Variants in PITPNM3 observed in about 807,000 individuals in gnomAD.
The protein encoded by PITPNM3 is membrane-associated phosphatidylinositol transfer protein 3.
A neutral mutation model predicts 102.0 loss-of-function variants in PITPNM3; 26 were observed. The ratio of observed to expected loss-of-function variants is 0.25; its 90% CI spans 0.19 to 0.35. The LOEUF is 0.35. PITPNM3 is among the 10% of genes least tolerant of loss of function. The pLI is 1.00. For missense variants in PITPNM3, 1,083 were observed against 1,346.1 expected, an observed-to-expected ratio of 0.80 and a Z score of 3.06; for synonymous variants, 578 against 558.6, an observed-to-expected ratio of 1.03 and a Z score of -0.49.
rs1910626592 is a variant in PITPNM3, at chr17:6,556,523, C to T, written c.-117G>A. On this transcript the variant is annotated 5_prime_UTR_variant, in exon 1 of 20. Transcript: ENST00000262483. The surrounding 1 kb of genome is among the most constrained non-coding windows in gnomAD (Gnocchi z 5.2). Reference sequence around the variant, plus strand: ...GCGCCGCGCCCGCGCCCCCGCCCCGCTCGCCTCGGCTGCCGCCACCGCAGC... The same window carrying T: ...GCGCCGCGCCCGCGCCCCCGCCCCGTTCGCCTCGGCTGCCGCCACCGCAGC... 2 of 670,318 alleles carry T rather than the reference C, an allele frequency of 3.0e-6. No homozygotes were observed. Among genetic ancestry groups the T allele is most frequent in the Non-Finnish European group, 1.8e-6 (1 of 542,744 alleles). The allele number at this position is 670,318 out of a possible 1,614,324, so 41.5% of individuals were successfully genotyped here. A position where few individuals can be genotyped will look rare whatever the true frequency, so the allele number is the denominator to read the frequency against.
Position 6,464,739 on chromosome 17 carries a change from C to T in PITPNM3, c.1923G>A (p.Val641=), listed in dbSNP as rs1904672177. The T allele has an allele frequency of 1.2e-6, 2 of 1,614,208 alleles. No homozygotes were observed. Among genetic ancestry groups the T allele is most frequent in the South Asian group, 2.2e-5 (2 of 91,080 alleles). The change falls in exon 15 of 20, where the codon GTG becomes GTA. Residue 641 remains valine, a synonymous_variant. Transcript: ENST00000262483. The part of the protein sequence containing the change: ...NVTANHRAND[V]IAAEDGPQVL... ...CCTGGGGGCCATCTTCAGCAGCAAT[C>T]ACATCATTGGCCCGGTGATTAGCCG...
In PITPNM3 at chr17:6,464,221, G is replaced by A. The variant is rs1271718615; in HGVS notation, c.2105C>T (p.Pro702Leu). 7 of 1,614,054 alleles carry A rather than the reference G, an allele frequency of 4.3e-6. No individual in the cohort carries two copies. The highest frequency in any genetic ancestry group is 1.3e-5 in the African/African-American group (1 of 74,928). The change falls in exon 16 of 20, where the codon CCG becomes CTG. Residue 702 changes from proline (P) to leucine (L), a missense_variant. Physicochemically the swap from Pro to Leu is moderately conservative, Grantham distance 98. Transcript: ENST00000262483. ...ACCAACCCCCAGGCGCCGGGGCCGC[G>A]GCACATTGTATGTGATGCGACCACT... ...NSSGRITYNVPRPRRLGVGVY... is the reference protein window; with the variant it reads ...NSSGRITYNVLRPRRLGVGVY...
At chr17:6,471,130 CCAGG>C (rs772560365) in intron 12 of PITPNM3, 27 bp downstream of exon 12, 1 of 1,610,464 alleles carries the variant, frequency 6.2e-7, no homozygotes, top group Non-Finnish European at 8.5e-7. Context: ...TCCCCCGAAT[CCAGG>C]CAGGGCCCCA....
chr17:6,484,642 C>T (rs1260275585), intron 4 of PITPNM3, among the ~76,000 whole-genome samples: 1 of 152,196 alleles, frequency 6.6e-6, no homozygotes, highest in Non-Finnish European at 1.5e-5. Flanking sequence ...TTATGGACAG[C>T]GATTTGAGCA....
At chr17:6,471,529 C>T (rs577252214) in intron 11 of PITPNM3, among the ~76,000 whole-genome samples, 174 bp from the exon 12 acceptor site, 1 of 152,352 alleles carries the variant, frequency 6.6e-6, no homozygotes. Flanking sequence ...CCCCACCAGT[C>T]CCCTGGGCCT....
In PITPNM3 at chr17:6,471,282, G is replaced by A; in HGVS notation, c.1503C>T (p.Ala501=). ...SSRDSPPLLD[A]PASPPQASRF... is the part of the protein sequence containing the mutation. ...TCGAGGCCTGAGGGGGCGAGGCAGG[G>A]GCATCCAGAAGTGGCGGGCTGTCCC... The change falls in exon 12 of 20, where the codon GCC becomes GCT. Residue 501 remains alanine, a synonymous_variant. Transcript: ENST00000262483. 1 of 1,613,198 alleles carries A rather than the reference G, an allele frequency of 6.2e-7. No individual in the cohort carries two copies. The highest frequency in any genetic ancestry group is 8.5e-7 in the Non-Finnish European group (1 of 1,179,880).
rs531631377 is a variant in PITPNM3 at position 6,469,953 on chromosome 17, T to C, written c.1773+307A>G. ...TGCAGACGAGGACATTGAGACTCAGTGGGGAGTGGGAACTGACTACTCCAG... is the reference window on the plus strand; with the variant it reads ...TGCAGACGAGGACATTGAGACTCAGCGGGGAGTGGGAACTGACTACTCCAG... On this transcript the variant is annotated intron_variant, in intron 13 of 19. Coordinates refer to ENST00000262483, the MANE Select transcript of PITPNM3 (RefSeq NM_031220.4). The surrounding 1 kb of genome is among the most constrained non-coding windows in gnomAD (Gnocchi z 4.0). Among the ~76,000 whole-genome samples the C allele has an allele frequency of 6.6e-6, 1 of 151,814 alleles. No homozygotes were observed. Among genetic ancestry groups the C allele is most frequent in the African/African-American group, 2.4e-5 (1 of 41,304 alleles).
intron 14 of PITPNM3, among the ~76,000 whole-genome samples, chr17:6,466,478 T>TATA (rs1158052854): frequency 6.6e-6 from 1 of 152,080 alleles, no homozygotes; most frequent in Non-Finnish European, 1.5e-5. Context: ...GGTTCATGAA[T>TATA]ATAAGCACCT....
At chr17:6,483,832 T>G in intron 5 of PITPNM3, 80 bp from the exon 6 acceptor site, 1 of 1,202,438 alleles carries the variant, frequency 8.3e-7, no homozygotes, top group Non-Finnish European at 1.2e-6. Flanking sequence ...CACACACATG[T>G]GCGCATACAC....
chr17:6,507,107 G>A (rs761995216), intron 3 of PITPNM3, among the ~76,000 whole-genome samples: 3 of 152,200 alleles, frequency 2.0e-5, no homozygotes, highest in South Asian at 4.2e-4. Flanking sequence ...GGAGGCCAGC[G>A]GCTGTCCATG....
chr17:6,551,747 T>A (rs193114921), intron 1 of PITPNM3, among the ~76,000 whole-genome samples: 4,027 of 150,998 alleles, frequency 0.027, 116 homozygotes, highest in South Asian at 0.12. Flanking sequence ...TTTTTTTTTT[T>A]TAATCTGCGC....
intron 2 of PITPNM3, among the ~76,000 whole-genome samples, chr17:6,535,401 C>A (rs1909359435): frequency 6.6e-6 from 1 of 152,140 alleles, no homozygotes; most frequent in African/African-American, 2.4e-5. Flanking sequence ...ACACAAAGGC[C>A]TTGGTCAGGG....
intron 14 of PITPNM3, among the ~76,000 whole-genome samples, chr17:6,467,071 A>AACAAAAAAC (rs1555551344): frequency 1.1e-4 from 2 of 18,048 alleles, no homozygotes; most frequent in African/African-American, 5.3e-4. Context: ...TCAAAACAAA[A>AACAAAAAAC]AAAAAAAACC....
intron 3 of PITPNM3, among the ~76,000 whole-genome samples, chr17:6,509,693 C>T (rs1200142079): frequency 1.3e-5 from 2 of 152,134 alleles, no homozygotes; most frequent in Non-Finnish European, 2.9e-5. Context: ...CAGCATGGAG[C>T]CTCCCCTGAG....
At chr17:6,516,432 CG>C (rs202054000) in intron 3 of PITPNM3, among the ~76,000 whole-genome samples, 5,617 of 151,510 alleles carry the variant, frequency 0.037, 336 homozygotes, top group African/African-American at 0.13. Flanking sequence ...GGCGTGGTGG[CG>C]GGCACCTGTA....
chr17:6,484,888 G>A (rs540726112), intron 4 of PITPNM3, among the ~76,000 whole-genome samples: 2 of 152,312 alleles, frequency 1.3e-5, no homozygotes, highest in Admixed American at 1.3e-4. Flanking sequence ...AGTGCTGCAG[G>A]GAGGGAGGAT....
intron 4 of PITPNM3, among the ~76,000 whole-genome samples, chr17:6,497,809 G>A (rs183299500): frequency 1.3e-5 from 2 of 152,352 alleles, no homozygotes; most frequent in East Asian, 1.9e-4. Flanking sequence ...ACAATAGACA[G>A]GTCTTCCTGC....
At chr17:6,494,932 C>T (rs1185867456) in intron 4 of PITPNM3, among the ~76,000 whole-genome samples, 1 of 151,670 alleles carries the variant, frequency 6.6e-6, no homozygotes, top group Admixed American at 6.6e-5. Context: ...TTGCACATGC[C>T]CATTGCAAAA....
At position 6,484,202 on chromosome 17, in the gene PITPNM3, G is replaced by A. The variant is rs370470969; in HGVS notation, c.351+14C>T. The A allele has an allele frequency of 6.8e-5, 109 of 1,596,756 alleles. 2 individuals are homozygous for A. Among genetic ancestry groups the A allele is most frequent in the Non-Finnish European group, 8.4e-5 (98 of 1,164,716 alleles). ...TCTGAGTTGAGCCCAGACACCCTCC[G>A]AAGCCCAGCCTACCTCGCTGTCTTC... On this transcript the variant is annotated intron_variant, in intron 5 of 19. Transcript: ENST00000262483.
Sources: allele counts gnomAD v4.1 joint callset (sites outside exome capture counted in the v4.1 genomes callset), GRCh38; gene constraint gnomAD v4.1.1; non-coding constraint Gnocchi (gnomAD v3.1); transcripts MANE v1.5; gene names NCBI Gene and HGNC (gene_info 2026-07-23, HGNC 2026-07-21).